ANK3: variants seen among roughly 807,000 people sequenced by gnomAD.
ANK3 encodes ankyrin-3.
Under a neutral mutation model 370.9 loss-of-function variants are expected in ANK3, and 57 were observed. The observed-to-expected ratio is 0.15, with a 90% CI of 0.12 to 0.19. ANK3 has a LOEUF of 0.19. Among genes scored for constraint, ANK3 ranks in the 10% least tolerant of loss-of-function variants. The pLI is 1.00. For synonymous variants in ANK3, 1,929 were observed against 1,946.3 expected, an observed-to-expected ratio of 0.99 and a Z score of 0.23; for missense variants, 4,439 against 5,302.1, an observed-to-expected ratio of 0.84 and a Z score of 5.06.
intron 23 of ANK3, among the ~76,000 whole-genome samples, chr10:60,150,104 C>T (rs4604824): frequency 0.29 from 43,531 of 152,036 alleles, 6,518 homozygotes; most frequent in Non-Finnish European, 0.33. Flanking sequence ...TCCCCTTCAT[C>T]CTTCACCACT....
chr10:60,480,273 T>A (rs1448855018), intron 2 of ANK3, among the ~76,000 whole-genome samples: 2 of 152,170 alleles, frequency 1.3e-5, no homozygotes, highest in Non-Finnish European at 2.9e-5. Context: ...CCTATTAGGT[T>A]TACAAGTAGG....
intron 28 of ANK3, among the ~76,000 whole-genome samples, chr10:60,097,940 G>A (rs975466461): frequency 4.6e-5 from 7 of 152,130 alleles, no homozygotes; most frequent in African/African-American, 1.7e-4. Context: ...GATATTGAGA[G>A]GTGAAAAAGT....
intron 42 of ANK3, among the ~76,000 whole-genome samples, chr10:60,051,807 A>C (rs1251551487): frequency 1.4e-5 from 2 of 143,862 alleles, no homozygotes; most frequent in Non-Finnish European, 3.0e-5. Flanking sequence ...GTGTGTGTGT[A>C]CAGGTAAAGA....
chr10:60,429,119 A>T (rs1713250406), intron 2 of ANK3, among the ~76,000 whole-genome samples: 1 of 152,176 alleles, frequency 6.6e-6, no homozygotes, highest in African/African-American at 2.4e-5. Context: ...GACAGGCAAA[A>T]ACCCAAGGGA....
At chr10:60,122,791 T>C (rs889165802) in intron 25 of ANK3, among the ~76,000 whole-genome samples, 2 of 152,242 alleles carry the variant, frequency 1.3e-5, no homozygotes, top group East Asian at 1.9e-4. Context: ...TGATCATTTA[T>C]GGTGGAAAAC....
intron 2 of ANK3, chr10:60,572,556 AAGAC>A: frequency 6.5e-7 from 1 of 1,532,372 alleles, no homozygotes; most frequent in Non-Finnish European, 8.7e-7. Context: ...GAGTTTATAA[AAGAC>A]AGATCACCGC....
intron 7 of ANK3, among the ~76,000 whole-genome samples, chr10:60,236,586 A>G (rs1042626225): frequency 3.3e-5 from 5 of 151,992 alleles, no homozygotes; most frequent in Admixed American, 3.3e-4. Flanking sequence ...TTCTCCCTGT[A>G]TTTTATGTAA....
At chr10:60,455,458 C>T (rs568197248) in intron 2 of ANK3, among the ~76,000 whole-genome samples, 7 of 152,264 alleles carry the variant, frequency 4.6e-5, no homozygotes, top group South Asian at 4.1e-4. Context: ...CAAATAATAA[C>T]GCACTAGGGG....
rs761319946 is a variant in ANK3, at chr10:60,106,027, G to C, written c.3206C>G (p.Ser1069Cys). The C allele has an allele frequency of 3.7e-6, 6 of 1,609,832 alleles. No homozygotes were observed. In the Admixed American group the frequency reaches 1.0e-4, roughly 27 times the overall value. Residue 1069 changes from serine to cysteine, a missense_variant, in exon 28 of 44, where the codon TCC becomes TGC. Coordinates refer to ENST00000280772, the MANE Select transcript of ANK3 (RefSeq NM_020987.5). The stretch of plus-strand genomic sequence containing the variant: ...GAGTTCTCTCTCTTTTCCTCTCATG[G>C]ACCCAAAGTGAGGGATTTCCACTAT... ...PVIVEIPHFG[S>C]MRGKERELIV...
At chr10:60,199,850 G>A (rs539854078) in intron 13 of ANK3, among the ~76,000 whole-genome samples, 57 of 152,314 alleles carry the variant, frequency 3.7e-4, no homozygotes, top group African/African-American at 1.4e-3. Context: ...TTTGGACCAA[G>A]TCTAGATTCA....
intron 1 of ANK3, among the ~76,000 whole-genome samples, chr10:60,327,937 T>C (rs1355634353): frequency 2.0e-5 from 3 of 151,956 alleles, no homozygotes; most frequent in African/African-American, 4.8e-5. Flanking sequence ...TTTAGAAAGG[T>C]GTGTGTGTGT....
chr10:60,326,644 C>G (rs1306693407), intron 1 of ANK3, among the ~76,000 whole-genome samples: 1 of 152,142 alleles, frequency 6.6e-6, no homozygotes, highest in African/African-American at 2.4e-5. Context: ...AATCTCACAA[C>G]CCCTCTCAGG....
chr10:60,361,441 T>C (rs561900850), intron 1 of ANK3, among the ~76,000 whole-genome samples: 3 of 152,220 alleles, frequency 2.0e-5, no homozygotes, highest in African/African-American at 2.4e-5. Flanking sequence ...GCTTTATTAA[T>C]TGGAATGTTT....
chr10:60,674,549 G>C (rs2079101317), intron 1 of ANK3, among the ~76,000 whole-genome samples: 1 of 152,136 alleles, frequency 6.6e-6, no homozygotes. Flanking sequence ...GAATCTGCCT[G>C]CATGACCCAA....
intron 9 of ANK3, among the ~76,000 whole-genome samples, chr10:60,208,498 A>T (rs2096797777): frequency 6.6e-6 from 1 of 152,180 alleles, no homozygotes; most frequent in Admixed American, 6.5e-5. Context: ...ATGGGTCATA[A>T]CTTAGAGGCA....
In ANK3 at chr10:60,085,119, A is replaced by G. The variant is rs771418813; in HGVS notation, c.3845+38T>C. 18 of 1,531,760 alleles carry G rather than the reference A, an allele frequency of 1.2e-5. No individual in the cohort carries two copies. The Admixed American group carries it at 3.4e-4, about 29-fold the overall frequency. 94.9% of individuals were successfully genotyped at this position (1,531,760 alleles called of 1,614,324 possible). ...TACTTTCCAAAAGGTAATAAAAACT[A>G]ATTCCTTACTGCTTTTTGGAATCCT... On this transcript the variant is annotated intron_variant, in intron 31 of 43. Coordinates refer to ENST00000280772, the MANE Select transcript of ANK3 (RefSeq NM_020987.5).
chr10:60,588,628 T>C (rs1239780623), intron 2 of ANK3, among the ~76,000 whole-genome samples: 1 of 151,806 alleles, frequency 6.6e-6, no homozygotes, highest in East Asian at 1.9e-4. Context: ...TCAAAAAATA[T>C]ATTACAAAGG....
intron 1 of ANK3, among the ~76,000 whole-genome samples, chr10:60,668,195 C>G (rs1588998597): frequency 6.6e-6 from 1 of 151,530 alleles, no homozygotes; most frequent in African/African-American, 2.5e-5. Context: ...TCCCCCACAG[C>G]AGGATGGACT....
chr10:60,149,734 A>G (rs2095009279), intron 23 of ANK3, among the ~76,000 whole-genome samples: 1 of 152,246 alleles, frequency 6.6e-6, no homozygotes, highest in South Asian at 2.1e-4. Flanking sequence ...TTTGAGACGA[A>G]GTCTCGCTCT....
Sources: allele counts gnomAD v4.1 joint callset (sites outside exome capture counted in the v4.1 genomes callset), GRCh38; gene constraint gnomAD v4.1.1; transcripts MANE v1.5; gene names NCBI Gene and HGNC (gene_info 2026-07-23, HGNC 2026-07-21).